NBN: variants seen among roughly 807,000 people sequenced by gnomAD.
The protein encoded by NBN is nibrin.
Under a neutral mutation model 90.8 loss-of-function variants are expected in NBN, and 88 were observed. The observed-to-expected ratio is 0.97, with a 90% confidence interval of 0.82 to 1.16. NBN has a LOEUF of 1.16. Among genes scored for constraint, NBN ranks in the 50% most tolerant of loss-of-function variants. The pLI is 0.00. For synonymous variants in NBN, 328 were observed against 295.1 expected, an observed-to-expected ratio of 1.11 and a Z score of -1.14; for missense variants, 894 against 869.6, an observed-to-expected ratio of 1.03 and a Z score of -0.35.
chr8:89,969,277 C>T (rs1811392943), intron 7 of NBN, among the ~76,000 whole-genome samples: 1 of 152,214 alleles, frequency 6.6e-6, no homozygotes. Context: ...AGCTCTTTTA[C>T]AGTCTCCCTC....
At chr8:89,965,820 C>T (rs1811228278) in intron 7 of NBN, among the ~76,000 whole-genome samples, 1 of 152,010 alleles carries the variant, frequency 6.6e-6, no homozygotes, top group Non-Finnish European at 1.5e-5. Flanking sequence ...TTCGTAAGGT[C>T]TTTTTGAAAT....
chr8:89,971,144 T>C (rs1226873934), intron 6 of NBN, 29 bp downstream of exon 6: 1 of 1,595,568 alleles, frequency 6.3e-7, no homozygotes. Context: ...ATGTATTCTT[T>C]AGGAAAATTT....
At chr8:89,974,078 C>A (rs569793961) in intron 5 of NBN, among the ~76,000 whole-genome samples, 2 of 152,194 alleles carry the variant, frequency 1.3e-5, no homozygotes, top group South Asian at 4.1e-4. Context: ...ATCATTTTCA[C>A]TTCTGTACGA....
At chr8:89,977,909 G>A (rs760731543) in intron 5 of NBN, among the ~76,000 whole-genome samples, 4 of 152,200 alleles carry the variant, frequency 2.6e-5, no homozygotes, top group South Asian at 2.1e-4. Flanking sequence ...TAACTGTGGC[G>A]TGATGCCTGG....
At chr8:89,984,464 C>G (rs1812234508) in intron 1 of NBN, 61 bp downstream of exon 1, 16 of 1,499,152 alleles carry the variant, frequency 1.1e-5, no homozygotes, top group Admixed American at 8.5e-5. Flanking sequence ...CACCCGCAGG[C>G]CCTCCCCCGA....
rs1810796865 is a variant in NBN, at chr8:89,957,812, T to A, written c.1124+913A>T. Among the ~76,000 whole-genome samples the A allele has an allele frequency of 2.6e-5, 4 of 152,134 alleles. No individual in the cohort carries two copies. In the South Asian group the frequency reaches 8.3e-4, roughly 32 times the overall value. ...AAATAGTCTATACCAGCAGTTCCCATCCTTTTTGGCAACCAGGACCAGCTT... is the reference window on the plus strand; with the variant it reads ...AAATAGTCTATACCAGCAGTTCCCAACCTTTTTGGCAACCAGGACCAGCTT... On this transcript the variant is annotated intron_variant, in intron 9 of 15. Coordinates refer to ENST00000265433, the MANE Select transcript of NBN (RefSeq NM_002485.5).
At chr8:89,961,396 G>A (rs1188511522) in intron 8 of NBN, among the ~76,000 whole-genome samples, 2 of 152,204 alleles carry the variant, frequency 1.3e-5, no homozygotes, top group African/African-American at 4.8e-5. Flanking sequence ...TGAAAGAGGT[G>A]TGGAAACAAC....
rs13312884 is a variant in NBN at position 89,969,525 on chromosome 8, T to C, written c.896+839A>G. Among the ~76,000 whole-genome samples, 32 of 152,374 alleles carry C rather than the reference T, an allele frequency of 2.1e-4. No homozygotes were observed. In the South Asian group the frequency reaches 5.8e-3, roughly 28 times the overall value. On this transcript the variant is annotated intron_variant, in intron 7 of 15. Coordinates refer to ENST00000265433, the MANE Select transcript of NBN (RefSeq NM_002485.5). ...TTTGTTAATTTACAGAGGTAAATTC[T>C]ACAAATTCTATTAAAGTAACAAAAA...
intron 10 of NBN, among the ~76,000 whole-genome samples, chr8:89,954,270 T>A (rs914396949): frequency 1.3e-5 from 2 of 152,162 alleles, no homozygotes; most frequent in Non-Finnish European, 2.9e-5. Context: ...CACAAAGACC[T>A]GGGACTCTGT....
At chr8:89,975,151 T>C (rs1236570436) in intron 5 of NBN, among the ~76,000 whole-genome samples, 3 of 152,238 alleles carry the variant, frequency 2.0e-5, no homozygotes, top group African/African-American at 7.2e-5. Context: ...AAATGAGATA[T>C]TGCAAATCAT....
chr8:89,947,467 T>C (rs1171962128), intron 12 of NBN, among the ~76,000 whole-genome samples: 1 of 151,850 alleles, frequency 6.6e-6, no homozygotes, highest in Non-Finnish European at 1.5e-5. Context: ...CCGTCTCTAT[T>C]AAAAATTCAA....
chr8:89,981,175 G>T lies in NBN; in HGVS notation c.320+200C>A, dbSNP rs55978729. On this transcript the variant is annotated intron_variant, in intron 3 of 15. Transcript: ENST00000265433. ...GAATCGAAGAAATGTAACTTCCCAT[G>T]AAGTCCCTCAGGGCCCACTCAAACT... Among the ~76,000 whole-genome samples the T allele has an allele frequency of 0.023, 3,434 of 152,178 alleles. 125 individuals are homozygous for T. Among genetic ancestry groups the T allele is most frequent in the African/African-American group, 0.077 (3,204 of 41,512 alleles).
Position 89,939,258 on chromosome 8 carries a change from A to G in NBN, c.2185-2183T>C, listed in dbSNP as rs200189255. 5.5e-3 allele frequency among the ~76,000 whole-genome samples: 258 copies of G among 46,804 alleles called. 2 individuals are homozygous for G. Among genetic ancestry groups the G allele is most frequent in the Middle Eastern group, 0.022 (3 of 138 alleles). 30.7% of individuals were successfully genotyped at this position (46,804 alleles called of 152,430 possible). A position where few individuals can be genotyped will look rare whatever the true frequency, so the allele number is the denominator to read the frequency against. On this transcript the variant is annotated intron_variant, in intron 14 of 15. Coordinates refer to ENST00000265433, the MANE Select transcript of NBN (RefSeq NM_002485.5). ...TAGAAAAAGAATAGCTGCAGCAAAC[A>G]GGGAAATGAGATGGCAGTACAGAAC...
chr8:89,942,851 G>A (rs1022575200), intron 14 of NBN, among the ~76,000 whole-genome samples: 2 of 152,128 alleles, frequency 1.3e-5, no homozygotes, highest in African/African-American at 2.4e-5. Flanking sequence ...TAATATTCAA[G>A]AGAATGAATA....
chr8:89,984,072 T>A (rs1372415601), intron 1 of NBN: 4 of 185,846 alleles, frequency 2.2e-5, no homozygotes, highest in African/African-American at 9.5e-5. Flanking sequence ...GAAACAAAAC[T>A]GAAAGTAAGC....
rs995917294 is a variant in NBN, at chr8:89,982,412, T to C, written c.171+310A>G. On this transcript the variant is annotated intron_variant, in intron 2 of 15. Transcript: ENST00000265433. ...CTAATGGCAAAAACAGCAATTACTTTTGCACCAAACTAATAGTAAACAATA... is the reference window on the plus strand; with the variant it reads ...CTAATGGCAAAAACAGCAATTACTTCTGCACCAAACTAATAGTAAACAATA... 3.3e-5 allele frequency: 13 copies of C among 394,116 alleles called. No individual in the cohort carries two copies. In the Admixed American group the frequency reaches 5.1e-4, roughly 16 times the overall value. The allele number at this position is 394,116 out of a possible 1,614,324, so 24.4% of individuals were successfully genotyped here. A position where few individuals can be genotyped will look rare whatever the true frequency, so the allele number is the denominator to read the frequency against.
At chr8:89,935,870 AAC>A (rs552292294) in intron 15 of NBN, among the ~76,000 whole-genome samples, 63 of 152,260 alleles carry the variant, frequency 4.1e-4, no homozygotes, top group African/African-American at 1.5e-3. Context: ...AATTAATGAA[AAC>A]AGTTTAAAAA....
intron 11 of NBN, 139 bp from the exon 12 acceptor site, chr8:89,948,031 C>G (rs1012541754): frequency 5.8e-6 from 3 of 520,740 alleles, no homozygotes; most frequent in African/African-American, 5.7e-5. Context: ...TTATGTATGA[C>G]CAGGCATTTG....
chr8:89,958,937 T>C (rs1307744523), intron 8 of NBN, 83 bp from the exon 9 acceptor site: 49 of 1,535,820 alleles, frequency 3.2e-5, no homozygotes, highest in Non-Finnish European at 4.1e-5. Context: ...TGTTAGACTA[T>C]ACCATGCTGA....
Sources: allele counts gnomAD v4.1 joint callset (sites outside exome capture counted in the v4.1 genomes callset), GRCh38; gene constraint gnomAD v4.1.1; transcripts MANE v1.5; gene names NCBI Gene and HGNC (gene_info 2026-07-23, HGNC 2026-07-21).